Variants in TSPAN7 observed in about 807,000 individuals in gnomAD.
The protein encoded by TSPAN7 is tetraspanin-7.
Under a neutral mutation model 17.6 loss-of-function variants are expected in TSPAN7, and 1 was observed. The observed-to-expected ratio is 0.06, with a 90% confidence interval of 0.02 to 0.27. TSPAN7 has a LOEUF of 0.27. Ranked by LOEUF, TSPAN7 falls within the 10% of genes least tolerant of loss-of-function variation. The pLI, the probability that TSPAN7 is intolerant of heterozygous loss-of-function variation, is 1.00. For synonymous variants in TSPAN7, 78 were observed against 79.0 expected (o/e 0.99, Z 0.07); for missense variants, 112 against 201.7 (o/e 0.56, Z 2.69).
At position 38,674,231 on chromosome X, in the gene TSPAN7, C is replaced by T; in HGVS notation, c.356C>T (p.Thr119Ile). ...GFVFRHEIKD[T>I]FLRTYTDAMQ... ...CCTTGTCTTCCATAGATCAAGGACA[C>T]CTTCCTGAGGACTTACACGGACGCT... Residue 119 changes from threonine to isoleucine, a missense_variant, in exon 4 of 8, where the codon ACC becomes ATC. Coordinates refer to ENST00000378482, the MANE Select transcript of TSPAN7 (RefSeq NM_004615.4). 1 of 1,196,314 alleles carries T rather than the reference C, an allele frequency of 8.4e-7. No homozygotes were observed. Among genetic ancestry groups the T allele is most frequent in the Non-Finnish European group, 1.1e-6 (1 of 886,796 alleles).
intron 1 of TSPAN7, among the ~76,000 whole-genome samples, chrX:38,585,119 G>T (rs1208295037): frequency 6.3e-5 from 7 of 111,646 alleles, no homozygotes; most frequent in Admixed American, 1.9e-4. Flanking sequence ...CATTTGGGTG[G>T]TCCTCAATTT....
At chrX:38,636,851 T>C (rs2147432727) in intron 1 of TSPAN7, among the ~76,000 whole-genome samples, 1 of 110,888 alleles carries the variant, frequency 9.0e-6, no homozygotes, top group East Asian at 2.9e-4. Flanking sequence ...GATTTTTGTA[T>C]TTTTAGTACA....
At chrX:38,625,727 T>C (rs1231181826) in intron 1 of TSPAN7, among the ~76,000 whole-genome samples, 1 of 111,722 alleles carries the variant, frequency 9.0e-6, no homozygotes, top group Non-Finnish European at 1.9e-5. Flanking sequence ...AGCATTAGTT[T>C]TGAACAGGAC....
intron 1 of TSPAN7, among the ~76,000 whole-genome samples, chrX:38,663,168 CACACACACACACAG>C (rs1334069263): frequency 5.6e-5 from 6 of 107,760 alleles, no homozygotes; most frequent in Non-Finnish European, 1.1e-4. Flanking sequence ...CACACACACA[CACACACACACACAG>C]ACACACACAC....
intron 1 of TSPAN7, among the ~76,000 whole-genome samples, chrX:38,653,072 T>C (rs369476155): frequency 8.0e-5 from 9 of 111,920 alleles, no homozygotes; most frequent in Non-Finnish European, 1.3e-4. Flanking sequence ...CAGAAATTGA[T>C]TGGACTCCGG....
chrX:38,636,981 T>C (rs2069584418), intron 1 of TSPAN7, among the ~76,000 whole-genome samples: 1 of 112,642 alleles, frequency 8.9e-6, no homozygotes, highest in Admixed American at 9.3e-5. Flanking sequence ...ATAATTTCTC[T>C]AATAAAACTA....
At chrX:38,613,468 G>T (rs1198185778) in intron 1 of TSPAN7, among the ~76,000 whole-genome samples, 1 of 111,978 alleles carries the variant, frequency 8.9e-6, no homozygotes. Context: ...TAAGCAGGTT[G>T]GTGGAGCTTG....
chrX:38,625,578 T>C (rs1277791899), intron 1 of TSPAN7, among the ~76,000 whole-genome samples: 2 of 111,922 alleles, frequency 1.8e-5, no homozygotes, highest in Non-Finnish European at 3.8e-5. Context: ...GAAAAATATG[T>C]TAAGGGAGAG....
chrX:38,642,693 G>A (rs73482058), intron 1 of TSPAN7, among the ~76,000 whole-genome samples: 1 of 112,089 alleles, frequency 8.9e-6, no homozygotes, highest in African/African-American at 3.2e-5. Context: ...AGAGTAAGCA[G>A]CTGGAGGGCA....
At chrX:38,630,200 A>G (rs2069542494) in intron 1 of TSPAN7, among the ~76,000 whole-genome samples, 1 of 112,200 alleles carries the variant, frequency 8.9e-6, no homozygotes, top group African/African-American at 3.2e-5. Context: ...ATGTAGTCTA[A>G]AAAGTGTTAC....
At chrX:38,673,056 T>A (rs1306685707) in intron 3 of TSPAN7, among the ~76,000 whole-genome samples, 1 of 111,917 alleles carries the variant, frequency 8.9e-6, no homozygotes. Context: ...CACCTTAGCT[T>A]AGAAGCTGCA....
chrX:38,566,648 T>C (rs2069145038), intron 1 of TSPAN7, among the ~76,000 whole-genome samples: 1 of 111,977 alleles, frequency 8.9e-6, no homozygotes, highest in Admixed American at 9.5e-5. Context: ...AGTTCAATCA[T>C]TATATTTTTG....
chrX:38,595,070 T>C (rs182979930), intron 1 of TSPAN7, among the ~76,000 whole-genome samples: 26 of 111,617 alleles, frequency 2.3e-4, no homozygotes, highest in African/African-American at 7.8e-4. Context: ...TTGCAAACTA[T>C]TTTTAACGAA....
chrX:38,590,508 A>G (rs376157546), intron 1 of TSPAN7, among the ~76,000 whole-genome samples: 7 of 111,571 alleles, frequency 6.3e-5, no homozygotes, highest in African/African-American at 2.3e-4. Context: ...GGTCTTCCTT[A>G]AATGTTTCAG....
intron 1 of TSPAN7, among the ~76,000 whole-genome samples, chrX:38,638,186 G>A (rs1284438005): frequency 8.9e-6 from 1 of 112,126 alleles, no homozygotes; most frequent in Non-Finnish European, 1.9e-5. Flanking sequence ...CCCACTTCTG[G>A]TAAAATGCTA....
chrX:38,664,658 ATTGT>A (rs1325326768), intron 1 of TSPAN7, among the ~76,000 whole-genome samples: 18 of 112,180 alleles, frequency 1.6e-4, no homozygotes, highest in African/African-American at 5.8e-4. Context: ...CTGCATCACG[ATTGT>A]TTATCTTTGC....
chrX:38,628,983 G>A (rs1299321587), intron 1 of TSPAN7, among the ~76,000 whole-genome samples: 2 of 111,839 alleles, frequency 1.8e-5, no homozygotes, highest in African/African-American at 6.5e-5. Flanking sequence ...TTTCTCCCTT[G>A]ATATTTTTGT....
At chrX:38,577,705 C>A (rs2069203219) in intron 1 of TSPAN7, among the ~76,000 whole-genome samples, 1 of 104,857 alleles carries the variant, frequency 9.5e-6, no homozygotes, top group Admixed American at 1.0e-4. Context: ...GGAGATATAC[C>A]TAATGCTAAA....
intron 1 of TSPAN7, among the ~76,000 whole-genome samples, chrX:38,626,424 GTA>G (rs1348375365): frequency 2.7e-5 from 3 of 111,946 alleles, no homozygotes; most frequent in Non-Finnish European, 3.8e-5. Context: ...ATAGAGTGTG[GTA>G]TATGGTATAG....
Sources: gnomAD v4.1 joint callset for allele counts (sites outside exome capture counted in the v4.1 genomes callset) on GRCh38, gnomAD v4.1.1 for gene constraint, MANE v1.5 for transcripts, NCBI Gene and HGNC (gene_info 2026-07-23, HGNC 2026-07-21) for gene names.